The following STXBP5L variants were observed in gnomAD, a reference collection of about 807,000 sequenced individuals.
STXBP5L encodes syntaxin-binding protein 5-like.
STXBP5L carries 65 observed loss-of-function variants against 144.5 expected under a neutral mutation model. That is an observed-to-expected ratio of 0.45 (90% confidence interval 0.37 to 0.55). STXBP5L has a LOEUF of 0.55. Among genes scored for constraint, STXBP5L ranks in the 20% least tolerant of loss-of-function variants. STXBP5L has a pLI of 0.00. For missense variants in STXBP5L, 1,298 were observed against 1,405.5 expected (o/e 0.92, Z 1.22); for synonymous variants, 505 against 469.6 (o/e 1.08, Z -0.97).
chr3:121,017,299 TAAAG>T (rs757476838), intron 3 of STXBP5L, among the ~76,000 whole-genome samples: 5 of 152,292 alleles, frequency 3.3e-5, no homozygotes, highest in South Asian at 4.1e-4. Flanking sequence ...TTCAACTTGA[TAAAG>T]AACATCTACC....
intron 7 of STXBP5L, among the ~76,000 whole-genome samples, chr3:121,128,992 C>T (rs1476220034): frequency 2.6e-5 from 4 of 151,952 alleles, no homozygotes; most frequent in African/African-American, 9.7e-5. Flanking sequence ...GTTTTCAGGA[C>T]TGTTAGATAT....
intron 22 of STXBP5L, among the ~76,000 whole-genome samples, chr3:121,390,253 C>T (rs1465423671): frequency 6.6e-6 from 1 of 152,160 alleles, no homozygotes; most frequent in African/African-American, 2.4e-5. Flanking sequence ...GATCTTCCTC[C>T]ATCCCTTTAC....
chr3:121,006,543 C>T (rs888775247), intron 3 of STXBP5L, among the ~76,000 whole-genome samples: 6 of 152,074 alleles, frequency 3.9e-5, no homozygotes, highest in Admixed American at 3.3e-4. Context: ...GCATTTAGCC[C>T]ATTTACATTT....
At chr3:121,254,429 G>A (rs1045138378) in intron 15 of STXBP5L, among the ~76,000 whole-genome samples, 3 of 152,132 alleles carry the variant, frequency 2.0e-5, no homozygotes, top group South Asian at 4.1e-4. Flanking sequence ...ATCTGAAGGA[G>A]TGTCTAAAAA....
intron 3 of STXBP5L, among the ~76,000 whole-genome samples, chr3:120,974,510 G>A (rs1445716119): frequency 6.6e-6 from 1 of 151,380 alleles, no homozygotes; most frequent in Non-Finnish European, 1.5e-5. Flanking sequence ...CACTCTGATG[G>A]TATTTTCTTT....
chr3:121,176,565 T>C (rs916762185), intron 9 of STXBP5L, among the ~76,000 whole-genome samples: 1 of 144,128 alleles, frequency 6.9e-6, no homozygotes, highest in African/African-American at 2.5e-5. Flanking sequence ...CATTTTCAGA[T>C]ATGAAAAGTA....
intron 18 of STXBP5L, among the ~76,000 whole-genome samples, chr3:121,271,132 T>C (rs1472750059): frequency 1.3e-5 from 2 of 152,212 alleles, no homozygotes; most frequent in Non-Finnish European, 2.9e-5. Context: ...TACCCTTCTA[T>C]ATTTATAAGT....
intron 7 of STXBP5L, 85 bp downstream of exon 7, chr3:121,121,789 A>C: frequency 1.1e-6 from 1 of 918,130 alleles, no homozygotes; most frequent in Non-Finnish European, 1.7e-6. Flanking sequence ...TATATCTAGT[A>C]TCTAGCCCAG....
chr3:121,224,061 A>G (rs1005064526), intron 11 of STXBP5L, among the ~76,000 whole-genome samples: 2 of 152,194 alleles, frequency 1.3e-5, no homozygotes, highest in Non-Finnish European at 2.9e-5. Flanking sequence ...AAGACAGAAT[A>G]TGCAGATATA....
chr3:120,988,113 C>CTT (rs1047380745), intron 3 of STXBP5L, among the ~76,000 whole-genome samples: 1 of 143,138 alleles, frequency 7.0e-6, no homozygotes, highest in African/African-American at 2.6e-5. Context: ...TTGATTTTCT[C>CTT]TTTTTTTTTT....
chr3:120,974,829 G>T (rs928549838), intron 3 of STXBP5L, among the ~76,000 whole-genome samples: 1 of 152,080 alleles, frequency 6.6e-6, no homozygotes, highest in African/African-American at 2.4e-5. Context: ...TTTTTGTCAG[G>T]TTTGTCAAAG....
At chr3:121,219,450 G>T (rs1577241785) in intron 10 of STXBP5L, among the ~76,000 whole-genome samples, 1 of 152,036 alleles carries the variant, frequency 6.6e-6, no homozygotes, top group African/African-American at 2.4e-5. Flanking sequence ...TTTCTTCTCG[G>T]TTTTATGTCA....
At chr3:121,018,713 C>A (rs745536264) in intron 3 of STXBP5L, among the ~76,000 whole-genome samples, 10 of 152,130 alleles carry the variant, frequency 6.6e-5, no homozygotes, top group Non-Finnish European at 1.5e-4. Context: ...GAATCGGTAA[C>A]TTGGATTTTA....
At chr3:121,230,734 T>A (rs951662977) in intron 11 of STXBP5L, among the ~76,000 whole-genome samples, 1 of 152,168 alleles carries the variant, frequency 6.6e-6, no homozygotes, top group Admixed American at 6.6e-5. Context: ...AAATAAAGCT[T>A]TAGCCATATG....
At chr3:121,000,353 A>G (rs568262004) in intron 3 of STXBP5L, among the ~76,000 whole-genome samples, 1 of 152,166 alleles carries the variant, frequency 6.6e-6, no homozygotes, top group East Asian at 1.9e-4. Context: ...AGATTTGAAG[A>G]GCCAGTCTTT....
chr3:121,059,535 G>A (rs1201116941), intron 5 of STXBP5L, among the ~76,000 whole-genome samples: 2 of 152,038 alleles, frequency 1.3e-5, no homozygotes, highest in Admixed American at 6.6e-5. Flanking sequence ...GCTTGATGGG[G>A]ATAGCATTGA....
intron 2 of STXBP5L, among the ~76,000 whole-genome samples, chr3:120,926,937 CTT>C (rs59336376): frequency 0.25 from 33,327 of 133,902 alleles, 3,436 homozygotes; most frequent in African/African-American, 0.27. Flanking sequence ...TCTTTCCTTT[CTT>C]TTTTTTTTTT....
At chr3:121,092,996 T>G (rs1038327019) in intron 5 of STXBP5L, among the ~76,000 whole-genome samples, 5 of 152,242 alleles carry the variant, frequency 3.3e-5, no homozygotes, top group African/African-American at 1.2e-4. Context: ...TGTTGAATTT[T>G]GTCAAAGGCC....
At chr3:120,996,571 T>C (rs1943365650) in intron 3 of STXBP5L, among the ~76,000 whole-genome samples, 1 of 152,176 alleles carries the variant, frequency 6.6e-6, no homozygotes, top group Non-Finnish European at 1.5e-5. Context: ...TCATTCATCC[T>C]GTATAACTGA....
Sources: allele counts gnomAD v4.1 joint callset (sites outside exome capture counted in the v4.1 genomes callset), GRCh38; gene constraint gnomAD v4.1.1; transcripts MANE v1.5; gene names NCBI Gene and HGNC (gene_info 2026-07-23, HGNC 2026-07-21).